The following GSAP variants were observed in gnomAD, a reference collection of about 807,000 sequenced individuals.
GSAP encodes the protein gamma-secretase-activating protein.
In GSAP, 118 loss-of-function variants were observed where a neutral mutation model predicts 131.7. That is an observed-to-expected ratio of 0.90 (90% CI 0.77 to 1.04). The LOEUF is 1.04. Ranked by LOEUF, GSAP falls within the 50% of genes least tolerant of loss-of-function variation. GSAP has a pLI of 0.00. For synonymous variants in GSAP, 381 were observed against 363.4 expected, an observed-to-expected ratio of 1.05 and a Z score of -0.55; for missense variants, 1,019 against 1,013.2, an observed-to-expected ratio of 1.01 and a Z score of -0.08.
At chr7:77,382,037 C>T (rs1326600194) in intron 7 of GSAP, among the ~76,000 whole-genome samples, 1 of 149,126 alleles carries the variant, frequency 6.7e-6, no homozygotes, top group Non-Finnish European at 1.5e-5. Flanking sequence ...TAGATAAGCT[C>T]CACCAGTAAA....
chr7:77,321,273 T>C (rs17151683), intron 25 of GSAP, 60 bp downstream of exon 25: 85,010 of 1,049,738 alleles, frequency 0.081, 3,750 homozygotes, highest in Middle Eastern at 0.1. Context: ...AGGGTTTTGC[T>C]ACAACAGAGT....
At chr7:77,311,604 G>A in intron 30 of GSAP, 155 bp from the exon 31 acceptor site, 1 of 595,628 alleles carries the variant, frequency 1.7e-6, no homozygotes, top group Non-Finnish European at 3.0e-6. Flanking sequence ...TCAGCACCAA[G>A]AACATTTGCA....
At chr7:77,379,044 A>G (rs748698471) in intron 8 of GSAP, among the ~76,000 whole-genome samples, 1 of 152,202 alleles carries the variant, frequency 6.6e-6, no homozygotes, top group East Asian at 1.9e-4. Context: ...CCTGTCCATT[A>G]TATTTAGACA....
rs951549262 is a variant in GSAP, at chr7:77,365,541, T to C, written c.872-2881A>G. Among the ~76,000 whole-genome samples, 11 of 152,270 alleles carry C rather than the reference T, an allele frequency of 7.2e-5. No individual in the cohort carries two copies. The East Asian group carries it at 2.1e-3, about 29-fold the overall frequency. Reference sequence around the variant, plus strand: ...GGATAATAGCCTCTATCTCCATCCATGTTCCCACAAAAGACATGATCTCAT... The same window carrying C: ...GGATAATAGCCTCTATCTCCATCCACGTTCCCACAAAAGACATGATCTCAT... On this transcript the variant is annotated intron_variant, in intron 12 of 30. Transcript: ENST00000257626.
intron 19 of GSAP, among the ~76,000 whole-genome samples, chr7:77,334,580 TAA>T (rs57442782): frequency 4.9e-5 from 4 of 81,946 alleles, no homozygotes; most frequent in South Asian, 5.1e-4. Flanking sequence ...ACTTAAAATT[TAA>T]AAAAAAAAAA....
At chr7:77,321,265 G>T in intron 25 of GSAP, 68 bp downstream of exon 25, 1 of 944,950 alleles carries the variant, frequency 1.1e-6, no homozygotes, top group Non-Finnish European at 1.7e-6. Flanking sequence ...ATTTCAAAAG[G>T]GTTTTGCTAC....
chr7:77,329,443 CTT>C (rs1337017291), intron 20 of GSAP, 52 bp from the exon 21 acceptor site: 6 of 983,300 alleles, frequency 6.1e-6, no homozygotes, highest in East Asian at 5.2e-5. Context: ...TTATCGGTGA[CTT>C]TTCACGTCAA....
intron 6 of GSAP, among the ~76,000 whole-genome samples, chr7:77,384,361 GTGT>G (rs1054921300): frequency 2.0e-5 from 3 of 152,198 alleles, no homozygotes; most frequent in Admixed American, 1.3e-4. Flanking sequence ...GTTCAGGTAG[GTGT>G]TGTTTTTCTT....
chr7:77,346,874 T>A (rs529602067), intron 19 of GSAP, among the ~76,000 whole-genome samples: 5 of 150,860 alleles, frequency 3.3e-5, no homozygotes, highest in Middle Eastern at 6.8e-3. Flanking sequence ...CTCGGGAAAC[T>A]CTCTCTCCTG....
chr7:77,379,410 G>A (rs1250780621), intron 8 of GSAP, among the ~76,000 whole-genome samples: 1 of 151,650 alleles, frequency 6.6e-6, no homozygotes, highest in Admixed American at 6.6e-5. Context: ...TACTTATGCT[G>A]TGTGAAGCTG....
chr7:77,409,763 C>T (rs1335818439), intron 1 of GSAP, among the ~76,000 whole-genome samples: 2 of 152,172 alleles, frequency 1.3e-5, no homozygotes, highest in African/African-American at 4.8e-5. Flanking sequence ...AACTCCTTCA[C>T]AAGAAATCTT....
At chr7:77,317,653 G>C (rs1787040508) in intron 26 of GSAP, among the ~76,000 whole-genome samples, 1 of 152,188 alleles carries the variant, frequency 6.6e-6, no homozygotes, top group African/African-American at 2.4e-5. Context: ...GAAGGAATGT[G>C]AGTTGGGTAG....
intron 12 of GSAP, among the ~76,000 whole-genome samples, chr7:77,365,898 G>GTTTTTTTTTTTTT (rs35007328): frequency 1.7e-5 from 2 of 115,588 alleles, no homozygotes; most frequent in African/African-American, 3.2e-5. Context: ...GCAACTGTGG[G>GTTTTTTTTTTTTT]TTTTTTTTTT....
intron 1 of GSAP, among the ~76,000 whole-genome samples, chr7:77,412,610 C>T (rs1236125797): frequency 6.6e-6 from 1 of 151,698 alleles, no homozygotes; most frequent in Non-Finnish European, 1.5e-5. Context: ...TGATAAAGAA[C>T]TATAATCCCA....
At chr7:77,323,832 A>T in intron 23 of GSAP, 90 bp from the exon 24 acceptor site, 1 of 557,450 alleles carries the variant, frequency 1.8e-6, no homozygotes, top group East Asian at 3.2e-5. Flanking sequence ...AACATTCTTC[A>T]TCAATATAAA....
At chr7:77,386,937 T>C (rs1798660619) in intron 6 of GSAP, among the ~76,000 whole-genome samples, 1 of 152,182 alleles carries the variant, frequency 6.6e-6, no homozygotes, top group Admixed American at 6.6e-5. Flanking sequence ...AAATATGGAA[T>C]CTGCAAATAA....
intron 14 of GSAP, among the ~76,000 whole-genome samples, chr7:77,359,300 A>T (rs771575777): frequency 6.6e-6 from 1 of 152,200 alleles, no homozygotes; most frequent in Non-Finnish European, 1.5e-5. Flanking sequence ...CAGTTTCATT[A>T]TCTGTAAAAT....
intron 5 of GSAP, among the ~76,000 whole-genome samples, chr7:77,388,643 T>C (rs1053951431): frequency 2.6e-5 from 4 of 152,252 alleles, no homozygotes; most frequent in African/African-American, 7.2e-5. Context: ...CCAGTGTCTC[T>C]CAGTGACTTC....
In GSAP at chr7:77,330,955, A is replaced by G. The variant is rs1380705498; in HGVS notation, c.1546-588T>C. On this transcript the variant is annotated intron_variant, in intron 19 of 30. Transcript: ENST00000257626. The stretch of plus-strand genomic sequence containing the variant: ...ATCTTTGAATTATTGATATAATTGT[A>G]CTACCCTGAAGCAAGAATGTATCCA... 4 of 627,186 alleles carry G rather than the reference A, an allele frequency of 6.4e-6. No individual in the cohort carries two copies. In the African/African-American group the frequency reaches 8.0e-5, roughly 12 times the overall value. 38.9% of individuals were successfully genotyped at this position (627,186 alleles called of 1,614,324 possible). A position where few individuals can be genotyped will look rare whatever the true frequency, so the allele number is the denominator to read the frequency against.
Sources: gnomAD v4.1 joint callset for allele counts (sites outside exome capture counted in the v4.1 genomes callset) on GRCh38, gnomAD v4.1.1 for gene constraint, MANE v1.5 for transcripts, NCBI Gene and HGNC (gene_info 2026-07-23, HGNC 2026-07-21) for gene names.